The following CBX3 variants were observed in gnomAD, a reference collection of about 807,000 sequenced individuals.
CBX3 encodes chromobox protein homolog 3.
In CBX3, 5 loss-of-function variants were observed where a neutral mutation model predicts 22.6. The observed-to-expected ratio is 0.22, with a 90% CI of 0.12 to 0.47. CBX3 has a LOEUF of 0.47. CBX3 is among the 20% of genes least tolerant of loss of function. The pLI is 0.99. For missense variants in CBX3, 83 were observed against 208.1 expected, an observed-to-expected ratio of 0.40 and a Z score of 3.70; for synonymous variants, 50 against 66.6, an observed-to-expected ratio of 0.75 and a Z score of 1.21.
chr7:26,201,960 G>C (rs1427188818), intron 1 of CBX3, 134 bp downstream of exon 1: 1 of 151,818 alleles, frequency 6.6e-6, no homozygotes, highest in Non-Finnish European at 1.5e-5. Flanking sequence ...CTGCGGGAAG[G>C]AGTGGAGGGT....
chr7:26,204,059 A>G (rs938878263), intron 2 of CBX3, among the ~76,000 whole-genome samples: 6 of 152,204 alleles, frequency 3.9e-5, no homozygotes, highest in Non-Finnish European at 2.9e-5. Flanking sequence ...GTTGTGAGAT[A>G]TGTGTGCTGT....
At chr7:26,204,041 T>G (rs1013629463) in intron 2 of CBX3, among the ~76,000 whole-genome samples, 1 of 152,220 alleles carries the variant, frequency 6.6e-6, no homozygotes, top group East Asian at 1.9e-4. Flanking sequence ...TTTTAAAAAT[T>G]CATTAGTGTT....
At chr7:26,201,701 C>T (rs540674041), upstream of CBX3, 2 of 121,660 alleles carry the variant, frequency 1.6e-5, no homozygotes, top group South Asian at 2.4e-4. Flanking sequence ...GCGGTGCCAC[C>T]CCTCCCCCCG....
chr7:26,205,642 T>G (rs1356616224), intron 2 of CBX3, among the ~76,000 whole-genome samples: 1 of 152,186 alleles, frequency 6.6e-6, no homozygotes, highest in African/African-American at 2.4e-5. Context: ...CTGGGGCTTT[T>G]ACCATCTGGG....
At chr7:26,208,603 A>T (rs766908720) in intron 4 of CBX3, 48 bp downstream of exon 4, 4 of 1,508,300 alleles carry the variant, frequency 2.7e-6, no homozygotes, top group Non-Finnish European at 2.7e-6. Context: ...TAAAAGGTTG[A>T]TGGCTTGATT....
At chr7:26,204,714 T>C (rs182585378) in intron 2 of CBX3, among the ~76,000 whole-genome samples, 1 of 152,300 alleles carries the variant, frequency 6.6e-6, no homozygotes, top group East Asian at 1.9e-4. Context: ...TTTTTCTGCT[T>C]GCTGCTTTAC....
chr7:26,210,337 A>G (rs979607812), intron 4 of CBX3: 2 of 152,220 alleles, frequency 1.3e-5, no homozygotes, highest in African/African-American at 4.8e-5. Context: ...AACAACACTT[A>G]TTGAGTCCTT....
chr7:26,212,250 A>T lies in CBX3; in HGVS notation c.*42A>T. 1 of 1,109,170 alleles carries T rather than the reference A, an allele frequency of 9.0e-7. No homozygotes were observed. Among genetic ancestry groups the T allele is most frequent in the Non-Finnish European group, 1.1e-6 (1 of 875,834 alleles). 68.7% of individuals were successfully genotyped at this position (1,109,170 alleles called of 1,614,324 possible). ...TTTATATATATTTATATATATATATAAAAATTGGGTCTTAGATTTTGATTT... is the reference window on the plus strand; with the variant it reads ...TTTATATATATTTATATATATATATTAAAATTGGGTCTTAGATTTTGATTT... On this transcript the variant is annotated 3_prime_UTR_variant, in exon 6 of 6. Transcript: ENST00000396386.
chr7:26,206,571 T>C (rs769828890), intron 3 of CBX3, 61 bp downstream of exon 3: 1 of 1,533,756 alleles, frequency 6.5e-7, no homozygotes, highest in Admixed American at 1.8e-5. Context: ...TTTTAGAATT[T>C]GTTTTTAACC....
intron 3 of CBX3, among the ~76,000 whole-genome samples, chr7:26,207,010 A>G (rs1320439620): frequency 6.6e-6 from 1 of 152,174 alleles, no homozygotes; most frequent in Non-Finnish European, 1.5e-5. Flanking sequence ...TGCTCTCATT[A>G]TTCTTGATAA....
At chr7:26,208,648 C>CT in intron 4 of CBX3, 93 bp downstream of exon 4, 1 of 1,232,256 alleles carries the variant, frequency 8.1e-7, no homozygotes, top group Non-Finnish European at 1.1e-6. Context: ...GAGATGGAGT[C>CT]TTGCTCTTGT....
intron 4 of CBX3, 79 bp downstream of exon 4, chr7:26,208,634 T>G (rs960286130): frequency 5.0e-5 from 69 of 1,370,144 alleles, no homozygotes; most frequent in Non-Finnish European, 6.4e-5. Context: ...TTGTTTGTTT[T>G]TTTGAGATGG....
At chr7:26,202,913 A>G (rs1784582505) in intron 1 of CBX3, 58 bp from the exon 2 acceptor site, 2 of 1,068,206 alleles carry the variant, frequency 1.9e-6, no homozygotes, top group African/African-American at 3.2e-5. Context: ...CAGAATTTGT[A>G]TTTAGTTACC....
chr7:26,213,051 TGAATG>T lies in CBX3; in HGVS notation c.*848_*852del, dbSNP rs1175643301. ...TGCTACATTGACTAAAAGGTCATGATGAATGGAATATGTAAGACTTGGCTCATAGA... is the reference window on the plus strand; with the variant it reads ...TGCTACATTGACTAAAAGGTCATGATGAATATGTAAGACTTGGCTCATAGA... On this transcript the variant is annotated 3_prime_UTR_variant, in exon 6 of 6. Transcript: ENST00000396386. The T allele has an allele frequency of 6.6e-6, 1 of 152,346 alleles. No individual in the cohort carries two copies. The highest frequency in any genetic ancestry group is 1.5e-5 in the Non-Finnish European group (1 of 68,066). The allele number at this position is 152,346 out of a possible 1,614,324, so 9.4% of individuals were successfully genotyped here.
chr7:26,206,263 T>C, intron 2 of CBX3, 105 bp from the exon 3 acceptor site: 1 of 720,220 alleles, frequency 1.4e-6, no homozygotes, highest in Non-Finnish European at 2.3e-6. Flanking sequence ...GATATAGAAG[T>C]AAAAATTTAT....
chr7:26,202,728 A>G, intron 1 of CBX3: 1 of 479,450 alleles, frequency 2.1e-6, no homozygotes, highest in Non-Finnish European at 3.7e-6. Flanking sequence ...CCCCTATTTT[A>G]AGCCATGTGA....
At chr7:26,205,763 A>G (rs1428016798) in intron 2 of CBX3, among the ~76,000 whole-genome samples, 3 of 152,168 alleles carry the variant, frequency 2.0e-5, no homozygotes, top group African/African-American at 7.2e-5. Flanking sequence ...GTGTTGTTAA[A>G]ATGAGTGAAA....
intron 5 of CBX3, 133 bp from the exon 6 acceptor site, chr7:26,211,947 CAT>C: frequency 1.1e-6 from 1 of 901,676 alleles, no homozygotes; most frequent in South Asian, 2.2e-5. Context: ...TTTATTAGAA[CAT>C]AGCAACAAGT....
intron 5 of CBX3, 76 bp from the exon 6 acceptor site, chr7:26,212,006 A>G (rs1429146349): frequency 3.0e-6 from 4 of 1,317,758 alleles, no homozygotes; most frequent in Non-Finnish European, 4.0e-6. Flanking sequence ...TTGGACTATT[A>G]TTTCTTAAAT....
Sources: allele counts gnomAD v4.1 joint callset (sites outside exome capture counted in the v4.1 genomes callset), GRCh38; gene constraint gnomAD v4.1.1; transcripts MANE v1.5; gene names NCBI Gene and HGNC (gene_info 2026-07-23, HGNC 2026-07-21).